The following MRPS25 variants were observed in gnomAD, a reference collection of about 807,000 sequenced individuals.
MRPS25 encodes mitochondrial ribosomal protein S25.
A neutral mutation model predicts 17.3 loss-of-function variants in MRPS25; 15 were observed. That is an observed-to-expected ratio of 0.87 (90% CI 0.58 to 1.34). The LOEUF is 1.34. Ranked by LOEUF, MRPS25 falls within the 40% of genes most tolerant of loss-of-function variation. The pLI is 0.00. For synonymous variants in MRPS25, 94 were observed against 83.3 expected (o/e 1.13, Z -0.70); for missense variants, 225 against 218.6 (o/e 1.03, Z -0.19).
At chr3:15,060,969 C>T (rs1333520916) in intron 1 of MRPS25, among the ~76,000 whole-genome samples, 1 of 152,150 alleles carries the variant, frequency 6.6e-6, no homozygotes, top group Non-Finnish European at 1.5e-5. Context: ...AGCACACAGA[C>T]CTGGGAGCTC....
rs763713048 is a variant in MRPS25 at position 15,059,486 on chromosome 3, G to C, written c.135-11C>G. The C allele has an allele frequency of 2.6e-6, 4 of 1,565,284 alleles. No homozygotes were observed. In the East Asian group the frequency reaches 9.0e-5, roughly 35 times the overall value. The stretch of plus-strand genomic sequence containing the variant: ...AAAAACACAAACTTCCTGCAAAAGG[G>C]AAGAAATGAAGCCTATGAAACAGAG... On this transcript the variant is annotated splice_polypyrimidine_tract_variant and intron_variant, in intron 1 of 3. Coordinates refer to ENST00000253686, the MANE Select transcript of MRPS25 (RefSeq NM_022497.5).
chr3:15,059,282 G>T, intron 2 of MRPS25, 87 bp downstream of exon 2: 1 of 922,480 alleles, frequency 1.1e-6, no homozygotes, highest in African/African-American at 1.6e-5. Context: ...GCACACTGCA[G>T]CTCATCCTGA....
At position 15,049,673 on chromosome 3, in the gene MRPS25, T is replaced by G; in HGVS notation, c.*2768A>C. 6 of 539,638 alleles carry G rather than the reference T, an allele frequency of 1.1e-5. No individual in the cohort carries two copies. The South Asian group carries it at 1.3e-4, about 11-fold the overall frequency. The allele number at this position is 539,638 out of a possible 1,614,324, so 33.4% of individuals were successfully genotyped here. ...AGGGCAAAAACAAGCTCCAAAAGTT[T>G]CAGAAGTTAGAACATATTCATTATG... On this transcript the variant is annotated 3_prime_UTR_variant, in exon 4 of 4. Coordinates refer to ENST00000253686, the MANE Select transcript of MRPS25 (RefSeq NM_022497.5).
At chr3:15,043,066 A>G, downstream of MRPS25, 1 of 1,500,668 alleles carries the variant, frequency 6.7e-7, no homozygotes, top group Admixed American at 2.1e-5. Flanking sequence ...TTCACATACA[A>G]AGAAAAGTAG....
chr3:15,063,879 T>G (rs1235131471), intron 1 of MRPS25, among the ~76,000 whole-genome samples: 4 of 150,512 alleles, frequency 2.7e-5, no homozygotes, highest in African/African-American at 9.8e-5. Flanking sequence ...GGGACAAAGG[T>G]GTGCACAGTT....
Position 15,050,533 on chromosome 3 carries a change from C to G in MRPS25, c.*1908G>C, listed in dbSNP as rs1575065231. On this transcript the variant is annotated 3_prime_UTR_variant, in exon 4 of 4. Coordinates refer to ENST00000253686, the MANE Select transcript of MRPS25 (RefSeq NM_022497.5). Reference sequence around the variant, plus strand: ...GGAACTAGGTGCTTTCTGAAGAGCCCTTGCAGCCAAGTAGAACGCCCAGGC... The same window carrying G: ...GGAACTAGGTGCTTTCTGAAGAGCCGTTGCAGCCAAGTAGAACGCCCAGGC... 9 of 985,510 alleles carry G rather than the reference C, an allele frequency of 9.1e-6. No individual in the cohort carries two copies. Among genetic ancestry groups the G allele is most frequent in the Non-Finnish European group, 1.1e-5 (9 of 830,088 alleles). 61.0% of individuals were successfully genotyped at this position (985,510 alleles called of 1,614,324 possible). A position where few individuals can be genotyped will look rare whatever the true frequency, so the allele number is the denominator to read the frequency against.
intron 2 of MRPS25, among the ~76,000 whole-genome samples, chr3:15,057,410 G>T (rs946646065): frequency 6.6e-6 from 1 of 152,146 alleles, no homozygotes; most frequent in East Asian, 1.9e-4. Flanking sequence ...ACAGGTAAGT[G>T]GACACACTGT....
rs1212368336 is a variant in MRPS25 at position 15,050,159 on chromosome 3, A to G, written c.*2282T>C. The G allele has an allele frequency of 1.8e-5, 24 of 1,299,654 alleles. No homozygotes were observed. The highest frequency in any genetic ancestry group is 2.2e-5 in the Non-Finnish European group (23 of 1,030,466). 80.5% of individuals were successfully genotyped at this position (1,299,654 alleles called of 1,614,324 possible). Reference sequence around the variant, plus strand: ...CAGGATCAAGTAGCCTACAGGGAACAAAAAAAGAAAATAATGTTTATTTCC... The same window carrying G: ...CAGGATCAAGTAGCCTACAGGGAACGAAAAAAGAAAATAATGTTTATTTCC... On this transcript the variant is annotated 3_prime_UTR_variant, in exon 4 of 4. Transcript: ENST00000253686.
chr3:15,054,759 CCA>C lies in MRPS25; in HGVS notation c.242-1294_242-1293del, dbSNP rs1201748335. 2.6e-5 allele frequency among the ~76,000 whole-genome samples: 4 copies of C among 151,984 alleles called. No homozygotes were observed. The East Asian group carries it at 7.7e-4, about 29-fold the overall frequency. On this transcript the variant is annotated intron_variant, in intron 2 of 3. Transcript: ENST00000253686. ...TTTACAGTTCAGGAGTCACCATAACCCACAGTCTGGGAGAAAATATTTATAAT... is the reference window on the plus strand; with the variant it reads ...TTTACAGTTCAGGAGTCACCATAACCCAGTCTGGGAGAAAATATTTATAAT...
chr3:15,058,213 G>C (rs538662698), intron 2 of MRPS25, among the ~76,000 whole-genome samples: 12 of 146,266 alleles, frequency 8.2e-5, no homozygotes, highest in African/African-American at 3.1e-4. Context: ...TTTTTGAGAC[G>C]GAGTCTTGCT....
In MRPS25 at chr3:15,049,021, C is replaced by T. The variant is rs1318054077; in HGVS notation, c.*3420G>A. 1 of 152,596 alleles carries T rather than the reference C, an allele frequency of 6.6e-6. No individual in the cohort carries two copies. Among genetic ancestry groups the T allele is most frequent in the African/African-American group, 2.4e-5 (1 of 41,434 alleles). The allele number at this position is 152,596 out of a possible 1,614,324, so 9.5% of individuals were successfully genotyped here. ...CTGCAGCTTTATACAGCTTTCTTCT[C>T]CCTGTGAAATCACTTTGTTTATGTG... On this transcript the variant is annotated 3_prime_UTR_variant, in exon 4 of 4. Coordinates refer to ENST00000253686, the MANE Select transcript of MRPS25 (RefSeq NM_022497.5).
chr3:15,047,054 A>ATGTACATGTGTTTATATCC (rs1461532185), downstream of MRPS25: 2 of 152,650 alleles, frequency 1.3e-5, no homozygotes, highest in Non-Finnish European at 2.9e-5. Context: ...GACTGAATGA[A>ATGTACATGTGTTTATATCC]TGTACATGTG....
chr3:15,051,975 T>C lies in MRPS25; in HGVS notation c.*466A>G. 1 of 987,202 alleles carries C rather than the reference T, an allele frequency of 1.0e-6. No homozygotes were observed. The allele number at this position is 987,202 out of a possible 1,614,324, so 61.2% of individuals were successfully genotyped here. ...TTTCTGAAAAATACCCCCAAGGAACTGAACGGAGGGGTGTACACACTGCCA... is the reference window on the plus strand; with the variant it reads ...TTTCTGAAAAATACCCCCAAGGAACCGAACGGAGGGGTGTACACACTGCCA... On this transcript the variant is annotated 3_prime_UTR_variant, in exon 4 of 4. Transcript: ENST00000253686.
At chr3:15,053,837 T>C (rs1361397941) in intron 2 of MRPS25, among the ~76,000 whole-genome samples, 1 of 152,162 alleles carries the variant, frequency 6.6e-6, no homozygotes, top group Non-Finnish European at 1.5e-5. Context: ...AAAATTCATA[T>C]GGAAATGCAA....
chr3:15,060,305 G>C (rs2042733507), intron 1 of MRPS25, among the ~76,000 whole-genome samples: 1 of 152,028 alleles, frequency 6.6e-6, no homozygotes. Context: ...TTGAGCTCAG[G>C]AGTTTGAGAC....
intron 2 of MRPS25, among the ~76,000 whole-genome samples, chr3:15,057,247 A>G (rs2042684775): frequency 6.6e-6 from 1 of 152,184 alleles, no homozygotes; most frequent in Admixed American, 6.5e-5. Context: ...TGCGCTGGCC[A>G]ACGCTCCCAG....
At position 15,052,595 on chromosome 3, in the gene MRPS25, AGCT is replaced by A. The variant is rs2042619185; in HGVS notation, c.365_367del (p.Gln122del). On this transcript the variant is annotated inframe_deletion, in exon 4 of 4. Transcript: ENST00000253686. ...AGGGCCGAAGTTGGCTGGGTGAGAA[AGCT>A]GCTTTTTCTCCTCCTCCTCTTCCCT... The A allele has an allele frequency of 3.7e-6, 6 of 1,614,012 alleles. No homozygotes were observed. The highest frequency in any genetic ancestry group is 1.3e-5 in the African/African-American group (1 of 74,912).
chr3:15,056,782 C>A (rs1025318364), intron 2 of MRPS25, among the ~76,000 whole-genome samples: 3 of 152,206 alleles, frequency 2.0e-5, no homozygotes, highest in African/African-American at 7.2e-5. Context: ...GTGAAGCCAC[C>A]AAGTTTGTGG....
intron 3 of MRPS25, 95 bp from the exon 4 acceptor site, chr3:15,052,728 G>GTGTCCCTGGTGGAT: frequency 7.8e-7 from 1 of 1,278,216 alleles, no homozygotes; most frequent in Non-Finnish European, 1.1e-6. Flanking sequence ...CATCCACCAG[G>GTGTCCCTGGTGGAT]GACACCTGGA....
Sources: allele counts gnomAD v4.1 joint callset (sites outside exome capture counted in the v4.1 genomes callset), GRCh38; gene constraint gnomAD v4.1.1; transcripts MANE v1.5; gene names NCBI Gene and HGNC (gene_info 2026-07-23, HGNC 2026-07-21).